PKP1: variants seen among roughly 807,000 people sequenced by gnomAD.
PKP1 encodes the protein plakophilin 1, also known as plakophilin-1.
In PKP1, 27 loss-of-function variants were observed where a neutral mutation model predicts 76.4. That is an observed-to-expected ratio of 0.35 (90% CI 0.26 to 0.49). PKP1 has a LOEUF of 0.49. Among genes scored for constraint, PKP1 ranks in the 20% least tolerant of loss-of-function variants. The pLI, the probability that PKP1 is intolerant of heterozygous loss-of-function variation, is 0.99. For synonymous variants in PKP1, 404 were observed against 384.2 expected, an observed-to-expected ratio of 1.05 and a Z score of -0.60; for missense variants, 964 against 955.2, an observed-to-expected ratio of 1.01 and a Z score of -0.12.
intron 3 of PKP1, among the ~76,000 whole-genome samples, chr1:201,315,470 A>G (rs1656694630): frequency 6.6e-6 from 1 of 152,158 alleles, no homozygotes; most frequent in Non-Finnish European, 1.5e-5. Flanking sequence ...ACTCTACACC[A>G]GGGGAGCTGG....
chr1:201,308,355 A>G (rs1429997595), intron 2 of PKP1, among the ~76,000 whole-genome samples: 1 of 152,220 alleles, frequency 6.6e-6, no homozygotes, highest in African/African-American at 2.4e-5. Flanking sequence ...TCACAGTCAC[A>G]GTCCACCTTT....
intron 2 of PKP1, among the ~76,000 whole-genome samples, chr1:201,301,833 C>T (rs902022497): frequency 1.3e-5 from 2 of 151,632 alleles, no homozygotes; most frequent in Non-Finnish European, 2.9e-5. Flanking sequence ...GACAAAACAA[C>T]AGCACAAGAA....
chr1:201,321,086 G>A (rs1357418122), intron 7 of PKP1, among the ~76,000 whole-genome samples: 1 of 152,164 alleles, frequency 6.6e-6, no homozygotes, highest in Non-Finnish European at 1.5e-5. Flanking sequence ...GATCGCCAGG[G>A]AACGGGCTGA....
chr1:201,287,289 C>A (rs1655769361), intron 1 of PKP1, among the ~76,000 whole-genome samples: 1 of 152,208 alleles, frequency 6.6e-6, no homozygotes, highest in Non-Finnish European at 1.5e-5. Flanking sequence ...CAGCCCTCAT[C>A]AGGGGAGAGG....
At chr1:201,329,179 G>A (rs1203069286) in intron 13 of PKP1, among the ~76,000 whole-genome samples, 1 of 152,210 alleles carries the variant, frequency 6.6e-6, no homozygotes, top group Non-Finnish European at 1.5e-5. Context: ...ACTACAGTGA[G>A]TTCTACAATA....
chr1:201,294,495 C>G (rs1255993021), intron 2 of PKP1, among the ~76,000 whole-genome samples: 1 of 152,188 alleles, frequency 6.6e-6, no homozygotes, highest in East Asian at 1.9e-4. Flanking sequence ...ACACTGCATG[C>G]TAGAGTGGAG....
chr1:201,309,598 C>T (rs1656473071), intron 2 of PKP1, among the ~76,000 whole-genome samples: 1 of 152,088 alleles, frequency 6.6e-6, no homozygotes, highest in South Asian at 2.1e-4. Context: ...TTCAAACAGC[C>T]AGACGCTGCC....
intron 7 of PKP1, 106 bp downstream of exon 7, chr1:201,320,487 G>A (rs977563639): frequency 2.6e-6 from 2 of 761,834 alleles, no homozygotes; most frequent in African/African-American, 1.7e-5. Context: ...ACAGACTCAG[G>A]GGTGGTAGAA....
chr1:201,295,504 G>C (rs1200478627), intron 2 of PKP1, among the ~76,000 whole-genome samples: 1 of 152,214 alleles, frequency 6.6e-6, no homozygotes, highest in Admixed American at 6.5e-5. Flanking sequence ...TTGAGAAAAT[G>C]GCTTAGGAAT....
At chr1:201,293,579 T>G (rs1215952307) in intron 1 of PKP1, among the ~76,000 whole-genome samples, 1 of 152,184 alleles carries the variant, frequency 6.6e-6, no homozygotes. Flanking sequence ...CTTATCCTTG[T>G]GGAACATGGA....
At chr1:201,318,134 C>A (rs1211419454) in intron 5 of PKP1, among the ~76,000 whole-genome samples, 1 of 152,202 alleles carries the variant, frequency 6.6e-6, no homozygotes, top group Non-Finnish European at 1.5e-5. Context: ...AGGCCTTAAG[C>A]ACCTACCCTG....
At chr1:201,318,200 C>T (rs1449871104) in intron 5 of PKP1, among the ~76,000 whole-genome samples, 3 of 152,148 alleles carry the variant, frequency 2.0e-5, no homozygotes, top group South Asian at 4.2e-4. Flanking sequence ...AAGAGGTCAC[C>T]GTGAAGACCT....
chr1:201,330,665 G>A lies in PKP1; in HGVS notation c.*624G>A, dbSNP rs1657292191. The stretch of plus-strand genomic sequence containing the variant: ...GCTGGGCCAGCCTCCCCACTTACAA[G>A]GCTGCTTTCCAGGAAGGGAGGTCTG... On this transcript the variant is annotated 3_prime_UTR_variant, in exon 14 of 14. Coordinates refer to ENST00000367324, the MANE Select transcript of PKP1 (RefSeq NM_001005337.3). The A allele has an allele frequency of 6.6e-6, 1 of 152,190 alleles. No homozygotes were observed. The highest frequency in any genetic ancestry group is 6.5e-5 in the Admixed American group (1 of 15,280). 9.4% of individuals were successfully genotyped at this position (152,190 alleles called of 1,614,324 possible).
At chr1:201,296,452 G>A (rs1436020523) in intron 2 of PKP1, among the ~76,000 whole-genome samples, 2 of 152,210 alleles carry the variant, frequency 1.3e-5, no homozygotes, top group African/African-American at 4.8e-5. Flanking sequence ...CAGGGAGGGT[G>A]GGGAGGAGGG....
intron 7 of PKP1, 41 bp downstream of exon 7, chr1:201,320,422 GCCC>G (rs1656904116): frequency 7.6e-7 from 1 of 1,310,346 alleles, no homozygotes; most frequent in Admixed American, 1.7e-5. Flanking sequence ...CCTAGGCCCA[GCCC>G]CCTACATTTT....
rs547702750 is a variant in PKP1, at chr1:201,301,439, T to C, written c.306+7394T>C. Among the ~76,000 whole-genome samples the C allele has an allele frequency of 3.3e-5, 5 of 152,314 alleles. No homozygotes were observed. In the South Asian group the frequency reaches 8.3e-4, roughly 25 times the overall value. ...AACTAATCTTCCTCCATCATTTCCA[T>C]TCATGTTGTGTAGAGCTCTGAGTTG... On this transcript the variant is annotated intron_variant, in intron 2 of 13. Coordinates refer to ENST00000367324, the MANE Select transcript of PKP1 (RefSeq NM_001005337.3).
At chr1:201,294,464 CT>C (rs1401392091) in intron 2 of PKP1, among the ~76,000 whole-genome samples, 1 of 152,196 alleles carries the variant, frequency 6.6e-6, no homozygotes, top group African/African-American at 2.4e-5. Flanking sequence ...AACATGTCCA[CT>C]GCATTGACTC....
chr1:201,317,816 C>A, intron 5 of PKP1, 37 bp downstream of exon 5: 1 of 1,583,516 alleles, frequency 6.3e-7, no homozygotes, highest in South Asian at 1.1e-5. Flanking sequence ...AGCCTGAGGG[C>A]TGTGCAAGGC....
At chr1:201,322,185 G>A (rs759754060) in intron 8 of PKP1, 52 bp downstream of exon 8, 24 of 1,587,394 alleles carry the variant, frequency 1.5e-5, no homozygotes, top group East Asian at 1.3e-4. Context: ...ACCCCCCCAG[G>A]AGCCACTGCC....
Sources: gnomAD v4.1 joint callset for allele counts (sites outside exome capture counted in the v4.1 genomes callset) on GRCh38, gnomAD v4.1.1 for gene constraint, MANE v1.5 for transcripts, NCBI Gene and HGNC (gene_info 2026-07-23, HGNC 2026-07-21) for gene names.